Variants in NOSTRIN observed in about 807,000 individuals in gnomAD.
NOSTRIN encodes the protein nitric oxide synthase trafficking, also known as BM247 homolog.
NOSTRIN carries 63 observed loss-of-function variants against 59.0 expected under a neutral mutation model. The observed-to-expected ratio is 1.07, with a 90% CI of 0.87 to 1.32. The LOEUF (loss-of-function observed/expected upper bound fraction) is 1.32, where lower values mean the gene tolerates loss of function less well. Among genes scored for constraint, NOSTRIN ranks in the 40% most tolerant of loss-of-function variants. NOSTRIN has a pLI of 0.00. For missense variants in NOSTRIN, 512 were observed against 473.1 expected (o/e 1.08, Z -0.76); for synonymous variants, 200 against 165.4 (o/e 1.21, Z -1.61).
rs1200262135 is a variant in NOSTRIN, at chr2:168,862,019, A to G, written c.1354A>G (p.Arg452Gly). Residue 452 changes from arginine to glycine, a missense_variant, in exon 15 of 16, where the codon AGG (arginine) becomes GGG (glycine). Coordinates refer to ENST00000317647, the MANE Select transcript of NOSTRIN (RefSeq NM_001039724.4). ...LCKALYSFQA[R>G]QDDELNLEKG... Reference sequence around the variant, plus strand: ...CAAGGCCTTGTATTCTTTTCAAGCCAGGCAAGATGATGAGTTGAATTTGGA... The same window carrying G: ...CAAGGCCTTGTATTCTTTTCAAGCCGGGCAAGATGATGAGTTGAATTTGGA... The G allele has an allele frequency of 1.2e-6, 2 of 1,614,062 alleles. No individual in the cohort carries two copies. Among genetic ancestry groups the G allele is most frequent in the Non-Finnish European group, 1.7e-6 (2 of 1,180,016 alleles).
chr2:168,834,692 G>A (rs1394616565), intron 7 of NOSTRIN, among the ~76,000 whole-genome samples: 1 of 151,722 alleles, frequency 6.6e-6, no homozygotes, highest in Admixed American at 6.6e-5. Flanking sequence ...ACTTTGCCTG[G>A]ACCACATGTA....
At chr2:168,793,678 G>C (rs1347840411), upstream of NOSTRIN, among the ~76,000 whole-genome samples, 1 of 152,078 alleles carries the variant, frequency 6.6e-6, no homozygotes, top group African/African-American at 2.4e-5. Flanking sequence ...AGAGAAAAAA[G>C]ACCCTTTTGT....
intron 15 of NOSTRIN, among the ~76,000 whole-genome samples, chr2:168,862,783 T>C (rs1689548042): frequency 6.6e-6 from 1 of 152,104 alleles, no homozygotes; most frequent in African/African-American, 2.4e-5. Context: ...TTAGAAACCA[T>C]GTTTGAATGT....
At chr2:168,825,756 G>T (rs1037809080) in intron 3 of NOSTRIN, among the ~76,000 whole-genome samples, 2 of 152,152 alleles carry the variant, frequency 1.3e-5, no homozygotes, top group African/African-American at 4.8e-5. Context: ...GCATGCAGAC[G>T]TGCCCTTGAA....
chr2:168,864,599 G>A (rs923434832), intron 15 of NOSTRIN, among the ~76,000 whole-genome samples: 2 of 152,110 alleles, frequency 1.3e-5, no homozygotes, highest in East Asian at 3.9e-4. Flanking sequence ...CTGTCTTTAA[G>A]CAATTATTTT....
At chr2:168,862,989 A>C (rs1336025490) in intron 15 of NOSTRIN, among the ~76,000 whole-genome samples, 1 of 147,854 alleles carries the variant, frequency 6.8e-6, no homozygotes, top group Non-Finnish European at 1.5e-5. Flanking sequence ...TGCCAGTCAT[A>C]TCTCTCCAGG....
chr2:168,851,536 T>TA, intron 10 of NOSTRIN, 132 bp downstream of exon 10: 1 of 1,335,180 alleles, frequency 7.5e-7, no homozygotes, highest in African/African-American at 1.5e-5. Flanking sequence ...CATATAAATT[T>TA]AAAAAACCCA....
At chr2:168,823,287 A>G (rs1432936852) in intron 2 of NOSTRIN, among the ~76,000 whole-genome samples, 2 of 152,202 alleles carry the variant, frequency 1.3e-5, no homozygotes, top group Non-Finnish European at 2.9e-5. Context: ...AAATGCTAGG[A>G]TTACAGGCGT....
intron 8 of NOSTRIN, among the ~76,000 whole-genome samples, chr2:168,846,297 G>T (rs899704707): frequency 6.6e-6 from 1 of 152,122 alleles, no homozygotes; most frequent in Non-Finnish European, 1.5e-5. Flanking sequence ...GACAGTTAGG[G>T]TCTCTCAGTT....
intron 2 of NOSTRIN, among the ~76,000 whole-genome samples, chr2:168,819,327 C>T (rs1686592208): frequency 6.6e-6 from 1 of 152,174 alleles, no homozygotes; most frequent in Admixed American, 6.5e-5. Context: ...TGAAAGGATA[C>T]ATATACTGCC....
upstream of NOSTRIN, among the ~76,000 whole-genome samples, chr2:168,801,880 T>G (rs1241932247): frequency 6.6e-6 from 1 of 152,178 alleles, no homozygotes; most frequent in African/African-American, 2.4e-5. Flanking sequence ...TTCTTTACAT[T>G]GAAAGCTTAG....
chr2:168,834,141 A>C (rs1559122242), intron 6 of NOSTRIN, 86 bp from the exon 7 acceptor site: 1 of 729,426 alleles, frequency 1.4e-6, no homozygotes, highest in Admixed American at 2.1e-5. Flanking sequence ...CTAGCACATG[A>C]ATGTGCTTTG....
chr2:168,800,874 T>G (rs1013506910), upstream of NOSTRIN, among the ~76,000 whole-genome samples: 18 of 149,234 alleles, frequency 1.2e-4, no homozygotes, highest in Admixed American at 3.4e-4. Context: ...TTACATGTTA[T>G]TAACCTCAGT....
At chr2:168,824,878 G>A (rs377715018) in intron 3 of NOSTRIN, among the ~76,000 whole-genome samples, 161 bp downstream of exon 3, 2 of 152,098 alleles carry the variant, frequency 1.3e-5, no homozygotes, top group African/African-American at 2.4e-5. Context: ...CCAGGCTCAG[G>A]TGATCCTCCC....
chr2:168,788,908 T>TAGAC (rs1409293554), intron 2 of NOSTRIN, among the ~76,000 whole-genome samples: 1 of 151,426 alleles, frequency 6.6e-6, no homozygotes. Flanking sequence ...GATAGATAGA[T>TAGAC]AGATAGATAG....
intron 3 of NOSTRIN, among the ~76,000 whole-genome samples, chr2:168,826,122 C>T (rs144591271): frequency 2.0e-5 from 3 of 152,226 alleles, no homozygotes; most frequent in Non-Finnish European, 2.9e-5. Flanking sequence ...GAATTAAATA[C>T]GGTAATATAA....
upstream of NOSTRIN, among the ~76,000 whole-genome samples, chr2:168,802,101 G>A (rs894464388): frequency 1.3e-5 from 2 of 152,102 alleles, no homozygotes. Flanking sequence ...AGAGATGGTG[G>A]GGAGGTTTGG....
rs1262374258 is a variant in NOSTRIN at position 168,856,723 on chromosome 2, C to T, written c.998C>T (p.Thr333Ile). The T allele has an allele frequency of 1.9e-6, 3 of 1,614,136 alleles. No homozygotes were observed. Among genetic ancestry groups the T allele is most frequent in the East Asian group, 2.2e-5 (1 of 44,888 alleles). The change falls in exon 12 of 16, where the codon ACC becomes ATC. Residue 333 changes from threonine (T) to isoleucine (I), a missense_variant. Transcript: ENST00000317647. ...LERMLKTYSS[T>I]SSFSDAKSQK... is the part of the protein sequence containing the mutation. ...CGAATGCTTAAAACGTACTCCAGCA[C>T]CTCCTCCTTCTCTGATGCAAAGAGC... is the stretch of plus-strand genomic sequence containing the variant.
chr2:168,842,882 C>T (rs1055972588), intron 7 of NOSTRIN, 110 bp from the exon 8 acceptor site: 42 of 757,426 alleles, frequency 5.5e-5, no homozygotes, highest in Non-Finnish European at 9.1e-5. Flanking sequence ...TATGACTCTA[C>T]GTGAGAGGTG....
Sources: gnomAD v4.1 joint callset for allele counts (sites outside exome capture counted in the v4.1 genomes callset) on GRCh38, gnomAD v4.1.1 for gene constraint, MANE v1.5 for transcripts, NCBI Gene and HGNC (gene_info 2026-07-23, HGNC 2026-07-21) for gene names.